BNC1: variants seen among roughly 807,000 people sequenced by gnomAD.
BNC1 encodes the protein basonuclin zinc finger protein 1.
Under a neutral mutation model 66.5 loss-of-function variants are expected in BNC1, and 8 were observed. The observed-to-expected ratio is 0.12, with a 90% CI of 0.07 to 0.22. BNC1 has a LOEUF of 0.22. Among genes scored for constraint, BNC1 ranks in the 10% least tolerant of loss-of-function variants. BNC1 has a pLI of 1.00. For synonymous variants in BNC1, 454 were observed against 452.6 expected (o/e 1.00, Z -0.04); for missense variants, 1,069 against 1,241.3 (o/e 0.86, Z 2.09).
chr15:83,284,190 G>C (rs1188610641), intron 1 of BNC1, among the ~76,000 whole-genome samples: 1 of 152,104 alleles, frequency 6.6e-6, no homozygotes, highest in Non-Finnish European at 1.5e-5. Context: ...GGGCGGCAGA[G>C]AGTGGCGTGT....
intron 1 of BNC1, among the ~76,000 whole-genome samples, chr15:83,276,249 T>C (rs866505631): frequency 1.3e-5 from 2 of 152,364 alleles, no homozygotes; most frequent in Middle Eastern, 3.4e-3. Context: ...TTCTGGGCTC[T>C]GGTTGTCCGA....
At chr15:83,284,200 T>C (rs1359356746) in intron 1 of BNC1, among the ~76,000 whole-genome samples, 1 of 151,732 alleles carries the variant, frequency 6.6e-6, no homozygotes, top group Non-Finnish European at 1.5e-5. Flanking sequence ...GAGTGGCGTG[T>C]AGGGTACCCG....
chr15:83,280,265 T>C (rs1185082689), intron 1 of BNC1, among the ~76,000 whole-genome samples: 1 of 152,188 alleles, frequency 6.6e-6, no homozygotes, highest in African/African-American at 2.4e-5. Context: ...TAACCTAATT[T>C]GGGAAACCTC....
intron 4 of BNC1, among the ~76,000 whole-genome samples, chr15:83,258,361 A>C (rs1445389980): frequency 1.3e-5 from 2 of 152,214 alleles, no homozygotes; most frequent in Non-Finnish European, 2.9e-5. Context: ...GATACTGAGA[A>C]TATGTAGTCT....
At chr15:83,266,805 C>T (rs767752747) in intron 3 of BNC1, 31 bp downstream of exon 3, 1 of 1,598,188 alleles carries the variant, frequency 6.3e-7, no homozygotes, top group Non-Finnish European at 8.6e-7. Context: ...CAGAAAGCAC[C>T]CTAGGAGGAC....
In BNC1 at chr15:83,258,102, G is replaced by A. The variant is rs1567190073; in HGVS notation, c.2325C>T (p.His775=). ...ATGCTTCCTGGCTCAATGCTTTTTG[G>A]TGGAGGTTTAGGTTTGAGCTGTGTC... ...RDRHSSNLNL[H]QKALSQEALE... is the part of the protein sequence containing the mutation. Residue 775 remains histidine (H), a synonymous_variant, in exon 5 of 5, where the codon CAC becomes CAT. Transcript: ENST00000345382. 1 of 1,602,932 alleles carries A rather than the reference G, an allele frequency of 6.2e-7. No individual in the cohort carries two copies. Among genetic ancestry groups the A allele is most frequent in the Non-Finnish European group, 8.5e-7 (1 of 1,170,532 alleles).
At chr15:83,273,765 TGAG>T (rs1480928539) in intron 1 of BNC1, among the ~76,000 whole-genome samples, 2 of 152,190 alleles carry the variant, frequency 1.3e-5, no homozygotes, top group Non-Finnish European at 2.9e-5. Context: ...ACCTTTGGCT[TGAG>T]GAGATGCTAC....
At chr15:83,269,197 C>T (rs945667216) in intron 1 of BNC1, among the ~76,000 whole-genome samples, 1 of 152,202 alleles carries the variant, frequency 6.6e-6, no homozygotes, top group Non-Finnish European at 1.5e-5. Flanking sequence ...GCACTCCAGC[C>T]TGGGCGACAG....
At chr15:83,265,751 C>A (rs2038211332) in intron 3 of BNC1, among the ~76,000 whole-genome samples, 1 of 152,148 alleles carries the variant, frequency 6.6e-6, no homozygotes, top group South Asian at 2.1e-4. Context: ...GGGTCTGCCA[C>A]ATACTAGTGA....
chr15:83,263,205 T>C lies in BNC1; in HGVS notation c.2046A>G (p.Gly682=), dbSNP rs1567191606. Residue 682 remains glycine, a synonymous_variant, in exon 4 of 5, where the codon GGA becomes GGG. Transcript: ENST00000345382. The stretch of plus-strand genomic sequence containing the variant: ...CCCTGTTGGACAAAGCACTGAAGAG[T>C]CCCCCAGCCAGCAGGCGCTGCTGCA... ...MELQQRLLAG[G]LFSALSNRGM... 2 of 1,614,046 alleles carry C rather than the reference T, an allele frequency of 1.2e-6. No homozygotes were observed. Among genetic ancestry groups the C allele is most frequent in the South Asian group, 1.1e-5 (1 of 91,078 alleles).
chr15:83,268,769 C>A (rs2151437315), intron 1 of BNC1, among the ~76,000 whole-genome samples: 1 of 152,354 alleles, frequency 6.6e-6, no homozygotes, highest in South Asian at 2.1e-4. Flanking sequence ...ACGCCATTCA[C>A]TGAACTATGT....
chr15:83,264,266 C>A lies in BNC1; in HGVS notation c.985G>T (p.Val329Phe), dbSNP rs1231399217. 1 of 1,614,148 alleles carries A rather than the reference C, an allele frequency of 6.2e-7. No homozygotes were observed. The highest frequency in any genetic ancestry group is 1.7e-5 in the Admixed American group (1 of 60,026). The change falls in exon 4 of 5, where the codon GTC (valine) becomes TTC (phenylalanine). Residue 329 changes from valine (V) to phenylalanine (F), a missense_variant. Around this residue, in one of 7 missense-constraint regions of BNC1, gnomAD observed 82 missense variants for 136.3 expected, o/e 0.60. Transcript: ENST00000345382. ...AACTGTGTCCTTTCAAACTTAGTGA[C>A]AATGTTGTATGAGCTGGAGTCACTT... ...HLSDSSSYNI[V>F]TKFERTQLSP...
intron 1 of BNC1, 31 bp from the exon 2 acceptor site, chr15:83,268,263 G>T: frequency 6.5e-7 from 1 of 1,538,426 alleles, no homozygotes; most frequent in Non-Finnish European, 9.0e-7. Context: ...GGTATGTGGA[G>T]CATGTAAGTG....
intron 1 of BNC1, among the ~76,000 whole-genome samples, chr15:83,269,130 C>T (rs1247977298): frequency 6.6e-6 from 1 of 151,978 alleles, no homozygotes; most frequent in African/African-American, 2.4e-5. Context: ...AGGCTAAGGC[C>T]GAAGAATCGC....
rs1385518957 is a variant in BNC1, at chr15:83,284,652, G to C, written c.-24C>G. The C allele has an allele frequency of 1.0e-6, 1 of 979,150 alleles. No homozygotes were observed. Among genetic ancestry groups the C allele is most frequent in the Non-Finnish European group, 1.2e-6 (1 of 825,262 alleles). 60.7% of individuals were successfully genotyped at this position (979,150 alleles called of 1,614,324 possible). On this transcript the variant is annotated 5_prime_UTR_variant, in exon 1 of 5. Coordinates refer to ENST00000345382, the MANE Select transcript of BNC1 (RefSeq NM_001717.4). Reference sequence around the variant, plus strand: ...ATCCACGCTCCGGCCGTCGGGGCGCGACCCGGCGAAGTGGGCGGCTCCCCA... The same window carrying C: ...ATCCACGCTCCGGCCGTCGGGGCGCCACCCGGCGAAGTGGGCGGCTCCCCA...
chr15:83,257,024 G>A lies in BNC1; in HGVS notation c.*418C>T. 6.6e-6 allele frequency: 1 copy of A among 150,438 alleles called. No homozygotes were observed. Among genetic ancestry groups the A allele is most frequent in the Non-Finnish European group, 1.3e-5 (1 of 74,588 alleles). The allele number at this position is 150,438 out of a possible 1,614,324, so 9.3% of individuals were successfully genotyped here. ...AAGGAACTGAAAATGCTGTTTTGGG[G>A]ACTGGTATCTTGTCCACAGAGTCTT... On this transcript the variant is annotated 3_prime_UTR_variant, in exon 5 of 5. Transcript: ENST00000345382.
rs574439446 is a variant in BNC1, at chr15:83,279,149, G to C, written c.99+5381C>G. On this transcript the variant is annotated intron_variant, in intron 1 of 4. Coordinates refer to ENST00000345382, the MANE Select transcript of BNC1 (RefSeq NM_001717.4). ...TATATTGCCCTGGTTTTTTAAAAAA[G>C]AGCCTTTGTATTTTAGAGCTTCATA... 6.6e-4 allele frequency among the ~76,000 whole-genome samples: 101 copies of C among 152,100 alleles called. 1 individual carries two copies. The highest frequency in any genetic ancestry group is 2.3e-3 in the African/African-American group (94 of 41,494).
Position 83,284,523 on chromosome 15 carries a change from CG to C in BNC1, c.99+6del. On this transcript the variant is annotated splice_donor_region_variant and intron_variant, in intron 1 of 4. Transcript: ENST00000345382. ...ATCCCCGCGCCCGCGGAGGGCGCCG[CG>C]CTTACCTCGGCCATCCTGCGACCGC... is the stretch of plus-strand genomic sequence containing the variant. The C allele has an allele frequency of 8.4e-7, 1 of 1,195,592 alleles. No homozygotes were observed. The highest frequency in any genetic ancestry group is 1.0e-6 in the Non-Finnish European group (1 of 952,940). 74.1% of individuals were successfully genotyped at this position (1,195,592 alleles called of 1,614,324 possible). A position where few individuals can be genotyped will look rare whatever the true frequency, so the allele number is the denominator to read the frequency against.
At chr15:83,262,043 ATGTT>A (rs1490919821) in intron 4 of BNC1, among the ~76,000 whole-genome samples, 44 of 137,944 alleles carry the variant, frequency 3.2e-4, no homozygotes, top group African/African-American at 1.2e-3. Context: ...CAACTAGTTC[ATGTT>A]TTTTTTTTTT....
Sources: allele counts gnomAD v4.1 joint callset (sites outside exome capture counted in the v4.1 genomes callset), GRCh38; gene constraint gnomAD v4.1.1; regional missense constraint gnomAD v4.1.1; transcripts MANE v1.5; gene names NCBI Gene and HGNC (gene_info 2026-07-23, HGNC 2026-07-21).